Variants in TSPAN15 observed in about 807,000 individuals in gnomAD.
TSPAN15 encodes tetraspanin 15.
Under a neutral mutation model 34.5 loss-of-function variants are expected in TSPAN15, and 20 were observed. The ratio of observed to expected loss-of-function variants is 0.58; its 90% CI spans 0.41 to 0.84. The LOEUF is 0.84. Among genes scored for constraint, TSPAN15 ranks in the 40% least tolerant of loss-of-function variants. The pLI, the probability that TSPAN15 is intolerant of heterozygous loss-of-function variation, is 0.00. For missense variants in TSPAN15, 313 were observed against 386.1 expected (o/e 0.81, Z 1.59); for synonymous variants, 155 against 153.9 (o/e 1.01, Z -0.05).
At chr10:69,513,275 G>A in the TSPAN15 span, among the ~76,000 whole-genome samples, 1 of 152,138 alleles carries the variant, frequency 6.6e-6, no homozygotes, top group African/African-American at 2.4e-5. Context: ...GATTGTTTTT[G>A]TATTATTGAA....
the TSPAN15 span, among the ~76,000 whole-genome samples, chr10:69,524,227 G>T: frequency 6.8e-6 from 1 of 147,528 alleles, no homozygotes; most frequent in African/African-American, 2.5e-5. Flanking sequence ...CCAACACTTT[G>T]GGAGGCCGAG....
chr10:69,461,574 C>A (rs574293857), intron 1 of TSPAN15, among the ~76,000 whole-genome samples: 5 of 152,346 alleles, frequency 3.3e-5, no homozygotes, highest in African/African-American at 1.2e-4. Flanking sequence ...ATGCTGACCT[C>A]TCCGGCTGTG....
At chr10:69,544,620 A>G in the TSPAN15 span, among the ~76,000 whole-genome samples, 1 of 152,190 alleles carries the variant, frequency 6.6e-6, no homozygotes, top group South Asian at 2.1e-4. Flanking sequence ...CCCAACAGCT[A>G]GCTTAGTCCT....
At chr10:69,497,574 C>T (rs1324597066) in intron 4 of TSPAN15, among the ~76,000 whole-genome samples, 1 of 152,136 alleles carries the variant, frequency 6.6e-6, no homozygotes, top group Non-Finnish European at 1.5e-5. Context: ...TCTCCATTTC[C>T]AGGTTGCACA....
downstream of TSPAN15, among the ~76,000 whole-genome samples, chr10:69,507,873 G>T (rs529394057): frequency 6.6e-6 from 1 of 151,750 alleles, no homozygotes; most frequent in East Asian, 2.0e-4. Context: ...GAGGGAAACA[G>T]CCTGGGCCAG....
chr10:69,499,350 G>T (rs1225193485), intron 5 of TSPAN15, among the ~76,000 whole-genome samples: 3 of 152,336 alleles, frequency 2.0e-5, no homozygotes, highest in Admixed American at 1.3e-4. Context: ...TCTAAAAAAG[G>T]CCGGGCCAGG....
intron 3 of TSPAN15, among the ~76,000 whole-genome samples, chr10:69,492,704 G>A (rs539480123): frequency 5.6e-4 from 85 of 152,322 alleles, no homozygotes; most frequent in African/African-American, 1.9e-3. Flanking sequence ...CACCAGAGAG[G>A]CAGAGCCTTT....
intron 1 of TSPAN15, among the ~76,000 whole-genome samples, chr10:69,480,601 C>T (rs73275760): frequency 0.016 from 2,478 of 152,252 alleles, 65 homozygotes; most frequent in African/African-American, 0.057. Context: ...GGTGGATGAG[C>T]CTCAGGGCTC....
At chr10:69,465,746 GTTC>G (rs1330044443) in intron 1 of TSPAN15, among the ~76,000 whole-genome samples, 1 of 152,190 alleles carries the variant, frequency 6.6e-6, no homozygotes. Flanking sequence ...CTAGATGTTT[GTTC>G]TTCTTTCTTG....
chr10:69,508,760 G>C (rs148630565), downstream of TSPAN15, among the ~76,000 whole-genome samples: 90 of 152,352 alleles, frequency 5.9e-4, 2 homozygotes, highest in East Asian at 0.016. Flanking sequence ...GGGCAGTTAA[G>C]TAACTTGCCC....
chr10:69,459,629 G>A (rs2394570), intron 1 of TSPAN15, among the ~76,000 whole-genome samples: 60,549 of 151,914 alleles, frequency 0.4, 12,571 homozygotes, highest in Non-Finnish European at 0.45. Flanking sequence ...GAAGGGCTGC[G>A]CTGTGGGTGG....
At chr10:69,496,326 TAATA>T (rs1363136103) in intron 4 of TSPAN15, among the ~76,000 whole-genome samples, 29 of 50,580 alleles carry the variant, frequency 5.7e-4, no homozygotes, top group Non-Finnish European at 1.1e-4. Flanking sequence ...GGTGCAATAA[TAATA>T]ATAATAATAA....
At chr10:69,534,998 A>AC in the TSPAN15 span, among the ~76,000 whole-genome samples, 1 of 151,966 alleles carries the variant, frequency 6.6e-6, no homozygotes, top group East Asian at 1.9e-4. Context: ...AAACAACAAA[A>AC]CCCCAAATTC....
At chr10:69,472,230 A>T (rs1333526429) in intron 1 of TSPAN15, among the ~76,000 whole-genome samples, 2 of 152,036 alleles carry the variant, frequency 1.3e-5, no homozygotes, top group Non-Finnish European at 2.9e-5. Flanking sequence ...AGCTCTGCTG[A>T]CCTGACCTGC....
chr10:69,455,588 T>G, intron 1 of TSPAN15, among the ~76,000 whole-genome samples: 1 of 118,682 alleles, frequency 8.4e-6, no homozygotes, highest in Admixed American at 8.2e-5. Flanking sequence ...CTTTCTTTCT[T>G]TCTCTTTCTT....
chr10:69,488,758 CA>C (rs962360894), intron 3 of TSPAN15, among the ~76,000 whole-genome samples: 1 of 152,044 alleles, frequency 6.6e-6, no homozygotes, highest in Non-Finnish European at 1.5e-5. Context: ...TCACATGCTT[CA>C]AAGGGCAAAA....
chr10:69,505,293 C>T (rs1346057123), intron 6 of TSPAN15, among the ~76,000 whole-genome samples: 1 of 152,132 alleles, frequency 6.6e-6, no homozygotes, highest in African/African-American at 2.4e-5. Flanking sequence ...CATGTAAGTG[C>T]TTAGGCAGTG....
At chr10:69,537,334 C>G in the TSPAN15 span, among the ~76,000 whole-genome samples, 1 of 152,180 alleles carries the variant, frequency 6.6e-6, no homozygotes, top group Non-Finnish European at 1.5e-5. Context: ...CTGATTTCTA[C>G]TGAATGTGCA....
rs1373783226 is a variant in TSPAN15, at chr10:69,460,584, G to T, written c.96+8894G>T. Reference sequence around the variant, plus strand: ...CACGCCCAAGGGGTCAGACCAGCTGGCTGGAGGAGCTGGTTCCATCAAGGG... The same window carrying T: ...CACGCCCAAGGGGTCAGACCAGCTGTCTGGAGGAGCTGGTTCCATCAAGGG... On this transcript the variant is annotated intron_variant, in intron 1 of 7. Coordinates refer to ENST00000373290, the MANE Select transcript of TSPAN15 (RefSeq NM_012339.5). 2.0e-5 allele frequency among the ~76,000 whole-genome samples: 3 copies of T among 152,106 alleles called. No individual in the cohort carries two copies. In the East Asian group the frequency reaches 5.9e-4, roughly 30 times the overall value.
Sources: allele counts gnomAD v4.1 joint callset (sites outside exome capture counted in the v4.1 genomes callset), GRCh38; gene constraint gnomAD v4.1.1; transcripts MANE v1.5; gene names NCBI Gene and HGNC (gene_info 2026-07-23, HGNC 2026-07-21).